The following ATP7B variants were observed in gnomAD, a reference collection of about 807,000 sequenced individuals.
ATP7B encodes the protein copper-transporting ATPase 2.
ATP7B carries 113 observed loss-of-function variants against 118.9 expected under a neutral mutation model. The ratio of observed to expected loss-of-function variants is 0.95; its 90% confidence interval spans 0.82 to 1.11. The LOEUF (loss-of-function observed/expected upper bound fraction) is 1.11, where lower values mean the gene tolerates loss of function less well. ATP7B is among the 50% of genes most tolerant of loss of function. The pLI is 0.00. For synonymous variants in ATP7B, 777 were observed against 727.4 expected, an observed-to-expected ratio of 1.07 and a Z score of -1.10; for missense variants, 1,867 against 1,871.4, an observed-to-expected ratio of 1.00 and a Z score of 0.04.
intron 1 of ATP7B, among the ~76,000 whole-genome samples, chr13:52,005,725 C>T (rs1953735328): frequency 6.6e-6 from 1 of 152,216 alleles, no homozygotes; most frequent in Admixed American, 6.5e-5. Context: ...CTACCCTTTA[C>T]CCAGTTCCAA....
chr13:51,937,551 G>A lies in ATP7B; in HGVS notation c.3828C>T (p.Ala1276=). The change falls in exon 18 of 21, where the codon GCC becomes GCT. Residue 1276 remains alanine, a synonymous_variant. Transcript: ENST00000242839. The stretch of plus-strand genomic sequence containing the variant: ...CAATGGCCACACCCATGTCTGCCTG[G>A]GCCAAGGCCGGGGAGTCATTGACCC... ...GDGVNDSPAL[A]QADMGVAIGT... The A allele has an allele frequency of 6.2e-7, 1 of 1,614,182 alleles. No individual in the cohort carries two copies. Among genetic ancestry groups the A allele is most frequent in the Non-Finnish European group, 8.5e-7 (1 of 1,180,048 alleles).
rs372516400 is a variant in ATP7B at position 51,974,955 on chromosome 13, T to C, written c.265A>G (p.Met89Val). 71 of 1,614,076 alleles carry C rather than the reference T, an allele frequency of 4.4e-5. No individual in the cohort carries two copies. The highest frequency in any genetic ancestry group is 5.3e-5 in the Non-Finnish European group (62 of 1,180,034). The change falls in exon 2 of 21, where the codon ATG (methionine) becomes GTG (valine). Residue 89 changes from methionine to valine, a missense_variant. Physicochemically the swap from Met to Val is conservative, Grantham distance 21. Coordinates refer to ENST00000242839, the MANE Select transcript of ATP7B (RefSeq NM_000053.4). The part of the protein sequence containing the change: ...RISNLKGIIS[M>V]KVSLEQGSAT... ...CTGCCTTGTTCCAGGGAAACCTTCA[T>C]GCTGATGATGCCTTTCAAATTGGAA...
Position 51,934,903 on chromosome 13 carries a change from T to C in ATP7B, c.4251A>G (p.Thr1417=), listed in dbSNP as rs546721020. The C allele has an allele frequency of 2.8e-5, 45 of 1,614,178 alleles. No homozygotes were observed. In the East Asian group the frequency reaches 9.6e-4, roughly 34 times the overall value. ...DDRWRDSPRA[T]PWDQVSYVSQ... ...TGACATAGCTGACCTGGTCCCATGG[T>C]GTGGCCCTGGGGGAGTCCCGCCACC... Residue 1417 remains threonine (T), a synonymous_variant, in exon 21 of 21, where the codon ACA becomes ACG. Coordinates refer to ENST00000242839, the MANE Select transcript of ATP7B (RefSeq NM_000053.4).
At position 51,941,231 on chromosome 13, in the gene ATP7B, A is replaced by G. The variant is rs1957312680; in HGVS notation, c.3413-7T>C. On this transcript the variant is annotated splice_polypyrimidine_tract_variant and splice_region_variant and intron_variant, in intron 15 of 20. Transcript: ENST00000242839. ...AAGGTCTGGGGGACTGCATCTATTC[A>G]AAAGAGGCTGTGGTTATTTCTAAAT... 6.2e-7 allele frequency: 1 copy of G among 1,613,988 alleles called. No homozygotes were observed. The highest frequency in any genetic ancestry group is 8.5e-7 in the Non-Finnish European group (1 of 1,179,978).
rs372306234 is a variant in ATP7B at position 51,957,551 on chromosome 13, G to C, written c.2412C>G (p.Thr804=). The C allele has an allele frequency of 6.2e-7, 1 of 1,614,076 alleles. No individual in the cohort carries two copies. ...KLMSLQATEA[T]VVTLGEDNLI... is the part of the protein sequence containing the mutation. ...AATTGTCCTCACCAAGGGTCACAAC[G>C]GTGGCTTCTGTGGCTTGGAGAGACA... Residue 804 remains threonine, a synonymous_variant, in exon 9 of 21, where the codon ACC becomes ACG. Transcript: ENST00000242839.
chr13:51,983,230 G>A (rs1952505667), intron 1 of ATP7B, among the ~76,000 whole-genome samples: 1 of 152,174 alleles, frequency 6.6e-6, no homozygotes, highest in Non-Finnish European at 1.5e-5. Flanking sequence ...TTGGTCGGGG[G>A]AGGGGCATCC....
intron 9 of ATP7B, among the ~76,000 whole-genome samples, chr13:51,951,454 C>T (rs950783855): frequency 9.2e-5 from 14 of 152,022 alleles, no homozygotes; most frequent in Non-Finnish European, 1.5e-5. Context: ...CGTAGAAATG[C>T]CAACTAGGGA....
rs146124695 is a variant in ATP7B at position 51,962,568 on chromosome 13, T to C, written c.1870-655A>G. On this transcript the variant is annotated intron_variant, in intron 5 of 20. Coordinates refer to ENST00000242839, the MANE Select transcript of ATP7B (RefSeq NM_000053.4). Reference sequence around the variant, plus strand: ...GAGAAGGGCCCCAGAACTCTGGTGCTGGGACTTTTACACAAAAATTAAAAG... The same window carrying C: ...GAGAAGGGCCCCAGAACTCTGGTGCCGGGACTTTTACACAAAAATTAAAAG... Among the ~76,000 whole-genome samples, 546 of 152,340 alleles carry C rather than the reference T, an allele frequency of 3.6e-3. 4 individuals are homozygous for C. Among genetic ancestry groups the C allele is most frequent in the African/African-American group, 0.013 (520 of 41,582 alleles).
intron 1 of ATP7B, among the ~76,000 whole-genome samples, chr13:51,986,033 C>T (rs552470070): frequency 2.4e-4 from 36 of 152,088 alleles, no homozygotes; most frequent in African/African-American, 7.5e-4. Flanking sequence ...GAAATTCAAA[C>T]GCTAGCAGAA....
chr13:51,940,224 A>G, intron 16 of ATP7B, among the ~76,000 whole-genome samples: 1 of 148,476 alleles, frequency 6.7e-6, no homozygotes, highest in Non-Finnish European at 1.5e-5. Context: ...TGTTGGTCAG[A>G]CTGGTCTCGA....
intron 1 of ATP7B, among the ~76,000 whole-genome samples, chr13:51,984,213 G>A (rs930851898): frequency 1.3e-5 from 2 of 151,968 alleles, no homozygotes; most frequent in Admixed American, 6.6e-5. Flanking sequence ...GTTTAGAGAG[G>A]AACATAAATG....
intron 4 of ATP7B, chr13:51,966,696 T>A: frequency 6.7e-7 from 1 of 1,489,760 alleles, no homozygotes. Context: ...CATGCTGCCA[T>A]GCCGACGTAG....
chr13:51,991,907 C>T (rs867552574), intron 1 of ATP7B, among the ~76,000 whole-genome samples: 1 of 152,178 alleles, frequency 6.6e-6, no homozygotes, highest in Non-Finnish European at 1.5e-5. Flanking sequence ...CCTCACCAGG[C>T]TTAGCCCTGC....
At chr13:51,981,219 A>G (rs1952401359) in intron 1 of ATP7B, among the ~76,000 whole-genome samples, 1 of 152,186 alleles carries the variant, frequency 6.6e-6, no homozygotes, top group Non-Finnish European at 1.5e-5. Flanking sequence ...TTTTCTTTTC[A>G]GCCATGTTAA....
intron 1 of ATP7B, among the ~76,000 whole-genome samples, chr13:51,986,544 A>G (rs9535818): frequency 0.04 from 6,106 of 152,144 alleles, 154 homozygotes; most frequent in South Asian, 0.09. Context: ...AAAAAGAGGG[A>G]CTCCTCCCTA....
At chr13:52,001,221 G>A (rs527372143) in intron 1 of ATP7B, among the ~76,000 whole-genome samples, 1 of 152,232 alleles carries the variant, frequency 6.6e-6, no homozygotes, top group East Asian at 1.9e-4. Flanking sequence ...AATCTCCTAA[G>A]CGACCTCCTG....
Position 51,978,823 on chromosome 13 carries a change from T to G in ATP7B, c.52-3655A>C, listed in dbSNP as rs1043873460. 3 of 152,252 alleles carry G rather than the reference T, an allele frequency of 2.0e-5. No homozygotes were observed. In the East Asian group the frequency reaches 5.8e-4, roughly 29 times the overall value. The allele number at this position is 152,252 out of a possible 1,614,324, so 9.4% of individuals were successfully genotyped here. On this transcript the variant is annotated intron_variant, in intron 1 of 20. Transcript: ENST00000242839. ...TACATTACTAGCAACAGCTCACAAT[T>G]TTTCAATTCGGACAGGGCTTGGCAG... is the stretch of plus-strand genomic sequence containing the variant.
rs777812184 is a variant in ATP7B, at chr13:51,949,999, T to G, written c.2730+8A>C. The stretch of plus-strand genomic sequence containing the variant: ...AGATGAAGTTAGTTTTAAAAATTTC[T>G]TCATTACCTTTGACATCTGAGCCTC... On this transcript the variant is annotated splice_region_variant and intron_variant, in intron 11 of 20. Coordinates refer to ENST00000242839, the MANE Select transcript of ATP7B (RefSeq NM_000053.4). The G allele has an allele frequency of 6.2e-7, 1 of 1,614,250 alleles. No individual in the cohort carries two copies. The highest frequency in any genetic ancestry group is 8.5e-7 in the Non-Finnish European group (1 of 1,180,046).
rs971543163 is a variant in ATP7B, at chr13:51,949,588, T to C, written c.2865+74A>G. The stretch of plus-strand genomic sequence containing the variant: ...TAATTAAAGCCCAGTGAATCTAAGA[T>C]ATGAAAGAACAGGATCAATGTCAGT... On this transcript the variant is annotated intron_variant, in intron 12 of 20. Coordinates refer to ENST00000242839, the MANE Select transcript of ATP7B (RefSeq NM_000053.4). The C allele has an allele frequency of 3.8e-6, 6 of 1,577,524 alleles. No homozygotes were observed. The Admixed American group carries it at 1.0e-4, about 26-fold the overall frequency.
Sources: allele counts gnomAD v4.1 joint callset (sites outside exome capture counted in the v4.1 genomes callset), GRCh38; gene constraint gnomAD v4.1.1; transcripts MANE v1.5; gene names NCBI Gene and HGNC (gene_info 2026-07-23, HGNC 2026-07-21).